Variants in ZSWIM8 observed in about 807,000 individuals in gnomAD.
ZSWIM8 encodes zinc finger SWIM domain-containing protein 8.
Under a neutral mutation model 173.7 loss-of-function variants are expected in ZSWIM8, and 27 were observed. That is an observed-to-expected ratio of 0.16 (90% CI 0.11 to 0.21). The LOEUF is 0.21. ZSWIM8 is among the 10% of genes least tolerant of loss of function. The probability of loss-of-function intolerance (pLI) is 1.00; values close to 1 mark genes in which losing one functional copy is unlikely to be tolerated. For missense variants in ZSWIM8, 1,627 were observed against 2,428.8 expected (o/e 0.67, Z 6.94); for synonymous variants, 958 against 962.0 (o/e 1.00, Z 0.08).
rs776922647 is a variant in ZSWIM8, at chr10:73,797,044, G to A, written c.3274+30G>A. On this transcript the variant is annotated intron_variant, in intron 16 of 25. Transcript: ENST00000604729. This position sits in a 1 kb window ranked among gnomAD's most constrained non-coding sequence, Gnocchi z 5.6. ...GGTGGGGGCACTGGGCAGGGGGGATGAATGGTGTGGACCTATGTTGAGGTC... is the reference window on the plus strand; with the variant it reads ...GGTGGGGGCACTGGGCAGGGGGGATAAATGGTGTGGACCTATGTTGAGGTC... The A allele has an allele frequency of 6.2e-6, 10 of 1,609,620 alleles. No homozygotes were observed. In the Admixed American group the frequency reaches 8.4e-5, roughly 13 times the overall value.
chr10:73,786,216 G>T, intron 1 of ZSWIM8, 130 bp downstream of exon 1: 2 of 1,089,384 alleles, frequency 1.8e-6, no homozygotes, highest in Non-Finnish European at 2.5e-6. Context: ...AGCTGTCCCC[G>T]GCCGGGAGCT....
Position 73,785,971 on chromosome 10 carries a change from C to T in ZSWIM8, c.93C>T (p.Ile31=). The T allele has an allele frequency of 1.3e-6, 2 of 1,587,940 alleles. No individual in the cohort carries two copies. The highest frequency in any genetic ancestry group is 4.6e-5 in the East Asian group (2 of 43,390). Reference sequence around the variant, plus strand: ...AGGAGGATTCACTCTGTTCCTTCATCTCCGAGGCCGAGAGCCTCTGCCAGA... The same window carrying T: ...AGGAGGATTCACTCTGTTCCTTCATTTCCGAGGCCGAGAGCCTCTGCCAGA... ...RFEEDSLCSF[I]SEAESLCQNW... The change falls in exon 1 of 26, where the codon ATC becomes ATT. Residue 31 remains isoleucine (I), a synonymous_variant. Transcript: ENST00000604729.
At position 73,800,572 on chromosome 10, in the gene ZSWIM8, G is replaced by T; in HGVS notation, c.5003-68G>T. On this transcript the variant is annotated intron_variant, in intron 23 of 25. Coordinates refer to ENST00000604729, the MANE Select transcript of ZSWIM8 (RefSeq NM_001367799.1). This position sits in a 1 kb window ranked among gnomAD's most constrained non-coding sequence, Gnocchi z 4.1. ...CTTCATTTGTTTACTGTGGGGTCAG[G>T]TGACAGGTTGGGGTAAAGGGTGAAG... 1 of 1,603,548 alleles carries T rather than the reference G, an allele frequency of 6.2e-7. No individual in the cohort carries two copies. Among genetic ancestry groups the T allele is most frequent in the Non-Finnish European group, 8.5e-7 (1 of 1,173,652 alleles).
At position 73,793,727 on chromosome 10, in the gene ZSWIM8, A is replaced by AC; in HGVS notation, c.2445+13dup. On this transcript the variant is annotated intron_variant, in intron 11 of 25. Coordinates refer to ENST00000604729, the MANE Select transcript of ZSWIM8 (RefSeq NM_001367799.1). Reference sequence around the variant, plus strand: ...GAGCCGCCCCCTGCCAAGGTGAGAGACCCCCTTCCTCTACCTTCCCCTCCC... The same window carrying AC: ...GAGCCGCCCCCTGCCAAGGTGAGAGACCCCCCTTCCTCTACCTTCCCCTCCC... 1.3e-6 allele frequency: 2 copies of AC among 1,500,744 alleles called. No homozygotes were observed. Among genetic ancestry groups the AC allele is most frequent in the Non-Finnish European group, 1.8e-6 (2 of 1,108,966 alleles). 93.0% of individuals were successfully genotyped at this position (1,500,744 alleles called of 1,614,324 possible).
chr10:73,795,289 G>A (rs544198429), intron 14 of ZSWIM8, among the ~76,000 whole-genome samples: 1 of 152,318 alleles, frequency 6.6e-6, no homozygotes, highest in South Asian at 2.1e-4. Flanking sequence ...TGAGAATGAG[G>A]AGGCCAGCTT....
intron 1 of ZSWIM8, among the ~76,000 whole-genome samples, chr10:73,787,355 G>A (rs901760716): frequency 2.0e-5 from 3 of 152,186 alleles, no homozygotes; most frequent in Non-Finnish European, 2.9e-5. Flanking sequence ...CAGTTTTACC[G>A]TGGGTCTTCT....
rs999704606 is a variant in ZSWIM8 at position 73,800,706 on chromosome 10, C to A, written c.5069C>A (p.Ser1690Tyr). 1 of 1,605,816 alleles carries A rather than the reference C, an allele frequency of 6.2e-7. No individual in the cohort carries two copies. Among genetic ancestry groups the A allele is most frequent in the Non-Finnish European group, 8.5e-7 (1 of 1,173,430 alleles). The change falls in exon 24 of 26, where the codon TCC (serine) becomes TAC (tyrosine). Residue 1690 changes from serine (S) to tyrosine (Y), a missense_variant. By Grantham distance (144) the Ser-to-Tyr change is moderately radical. This residue lies in a region of ZSWIM8 where 30 missense variants were observed against 20.9 expected (regional missense o/e 1.44). Transcript: ENST00000604729. This position sits in a 1 kb window ranked among gnomAD's most constrained non-coding sequence, Gnocchi z 4.1. ...GATCACCCCAACAACTTCTCCCGCT[C>A]CCCCCCCTACACTGATGATGTCAAA... is the stretch of plus-strand genomic sequence containing the variant. Reference protein sequence around the residue: ...HNDHPNNFSRSPPYTDDVKWL... With the variant: ...HNDHPNNFSRYPPYTDDVKWL...
Position 73,792,448 on chromosome 10 carries a change from T to C in ZSWIM8, c.1909T>C (p.Phe637Leu). Residue 637 changes from phenylalanine (F) to leucine (L), a missense_variant, in exon 10 of 26, where the codon TTC (phenylalanine) becomes CTC (leucine). By Grantham distance (22) the Phe-to-Leu change is conservative (BLOSUM62 0). This residue lies in a region of ZSWIM8 where 383 missense variants were observed against 394.8 expected (regional missense o/e 0.97). Coordinates refer to ENST00000604729, the MANE Select transcript of ZSWIM8 (RefSeq NM_001367799.1). This position sits in a 1 kb window ranked among gnomAD's most constrained non-coding sequence, Gnocchi z 4.3. ...GGCCCTGGGCGCAGAGGCCAGCACCTTCGGGGGATTCCCTGAGAGCCCTCC... is the reference window on the plus strand; with the variant it reads ...GGCCCTGGGCGCAGAGGCCAGCACCCTCGGGGGATTCCCTGAGAGCCCTCC... ...SLALGAEAST[F>L]GGFPESPPPC... 1 of 1,606,920 alleles carries C rather than the reference T, an allele frequency of 6.2e-7. No individual in the cohort carries two copies. Among genetic ancestry groups the C allele is most frequent in the South Asian group, 1.1e-5 (1 of 90,058 alleles).
At position 73,789,265 on chromosome 10, in the gene ZSWIM8, A is replaced by C; in HGVS notation, c.457+75A>C. On this transcript the variant is annotated intron_variant, in intron 3 of 25. Coordinates refer to ENST00000604729, the MANE Select transcript of ZSWIM8 (RefSeq NM_001367799.1). This position sits in a 1 kb window ranked among gnomAD's most constrained non-coding sequence, Gnocchi z 6.8. Reference sequence around the variant, plus strand: ...GGCTTATGAAGTAAGAACACACCGCAAGAAGCTGGAGCATGTTGTCTGAAT... The same window carrying C: ...GGCTTATGAAGTAAGAACACACCGCCAGAAGCTGGAGCATGTTGTCTGAAT... 2 of 1,605,938 alleles carry C rather than the reference A, an allele frequency of 1.2e-6. No individual in the cohort carries two copies. Among genetic ancestry groups the C allele is most frequent in the East Asian group, 2.2e-5 (1 of 44,754 alleles).
chr10:73,798,082 G>A lies in ZSWIM8; in HGVS notation c.3952+12G>A. 6.2e-7 allele frequency: 1 copy of A among 1,611,806 alleles called. No individual in the cohort carries two copies. Among genetic ancestry groups the A allele is most frequent in the Non-Finnish European group, 8.5e-7 (1 of 1,178,284 alleles). ...TTCCTGGATTACAGGTAAATCATTT[G>A]ACCTGACTTGGGTATGGGAGGGGGA... On this transcript the variant is annotated intron_variant, in intron 19 of 25. Coordinates refer to ENST00000604729, the MANE Select transcript of ZSWIM8 (RefSeq NM_001367799.1).
At chr10:73,795,285 TGAG>T (rs908952720) in intron 14 of ZSWIM8, among the ~76,000 whole-genome samples, 1 of 152,174 alleles carries the variant, frequency 6.6e-6, no homozygotes, top group Non-Finnish European at 1.5e-5. Context: ...TTCATGAGAA[TGAG>T]GAGGCCAGCT....
rs1045613102 is a variant in ZSWIM8 at position 73,801,574 on chromosome 10, C to T, written c.*55C>T. On this transcript the variant is annotated 3_prime_UTR_variant, in exon 26 of 26. Transcript: ENST00000604729. The surrounding 1 kb of genome is among the most constrained non-coding windows in gnomAD (Gnocchi z 4.9). ...ACCCAGGCCTGTGGCTATGGGGGCC[C>T]CTCACACAGGGGGAGTGAAACTTGG... 2 of 1,591,616 alleles carry T rather than the reference C, an allele frequency of 1.3e-6. No individual in the cohort carries two copies. The highest frequency in any genetic ancestry group is 1.7e-6 in the Non-Finnish European group (2 of 1,171,170).
chr10:73,800,622 C>T lies in ZSWIM8; in HGVS notation c.5003-18C>T. The T allele has an allele frequency of 6.4e-7, 1 of 1,571,324 alleles. No homozygotes were observed. Among genetic ancestry groups the T allele is most frequent in the Non-Finnish European group, 8.7e-7 (1 of 1,151,544 alleles). Reference sequence around the variant, plus strand: ...GAGGATACACCGTACCATGTGCCCACCCTTATCTATCTCCCAGGAATGCTG... The same window carrying T: ...GAGGATACACCGTACCATGTGCCCATCCTTATCTATCTCCCAGGAATGCTG... On this transcript the variant is annotated intron_variant, in intron 23 of 25. Coordinates refer to ENST00000604729, the MANE Select transcript of ZSWIM8 (RefSeq NM_001367799.1). This position sits in a 1 kb window ranked among gnomAD's most constrained non-coding sequence, Gnocchi z 4.1.
intron 20 of ZSWIM8, 141 bp from the exon 21 acceptor site, chr10:73,798,858 GATA>G: frequency 8.5e-7 from 1 of 1,172,762 alleles, no homozygotes; most frequent in Non-Finnish European, 1.2e-6. Flanking sequence ...TCACTGCTCT[GATA>G]ATGGACTCTA....
chr10:73,791,212 C>T lies in ZSWIM8; in HGVS notation c.1143+36C>T. ...AGCGTTGGGGAGCCCCGTGGTAGCT[C>T]ATTCTTTCCCTCCCCCTGCCTCATC... On this transcript the variant is annotated intron_variant, in intron 8 of 25. Coordinates refer to ENST00000604729, the MANE Select transcript of ZSWIM8 (RefSeq NM_001367799.1). This position sits in a 1 kb window ranked among gnomAD's most constrained non-coding sequence, Gnocchi z 6.0. 2 of 1,571,372 alleles carry T rather than the reference C, an allele frequency of 1.3e-6. No homozygotes were observed. The highest frequency in any genetic ancestry group is 1.7e-6 in the Non-Finnish European group (2 of 1,152,818).
rs1352833616 is a variant in ZSWIM8 at position 73,792,890 on chromosome 10, A to T, written c.2313+38A>T. The T allele has an allele frequency of 6.6e-7, 1 of 1,513,522 alleles. No individual in the cohort carries two copies. Among genetic ancestry groups the T allele is most frequent in the African/African-American group, 1.4e-5 (1 of 72,214 alleles). The allele number at this position is 1,513,522 out of a possible 1,614,324, so 93.8% of individuals were successfully genotyped here. On this transcript the variant is annotated intron_variant, in intron 10 of 25. Coordinates refer to ENST00000604729, the MANE Select transcript of ZSWIM8 (RefSeq NM_001367799.1). This position sits in a 1 kb window ranked among gnomAD's most constrained non-coding sequence, Gnocchi z 4.3. The stretch of plus-strand genomic sequence containing the variant: ...AAGGAGGGAGGGCTGGGTGCTCCTT[A>T]GCCACAACTGGGAGGGGCTATCTAG...
At chr10:73,796,440 AAG>A (rs560957045) in intron 15 of ZSWIM8, 15 of 420,886 alleles carry the variant, frequency 3.6e-5, no homozygotes, top group South Asian at 2.7e-4. Context: ...CATAAAGAAT[AAG>A]AGAAGACCAA....
chr10:73,796,643 G>A, intron 15 of ZSWIM8, 131 bp from the exon 16 acceptor site: 1 of 1,298,852 alleles, frequency 7.7e-7, no homozygotes, highest in Non-Finnish European at 1.0e-6. Flanking sequence ...TCATCCTGTG[G>A]TTGTAAGTGG....
rs371745098 is a variant in ZSWIM8 at position 73,792,808 on chromosome 10, C to T, written c.2269C>T (p.Leu757=). 80 of 1,597,220 alleles carry T rather than the reference C, an allele frequency of 5.0e-5. No homozygotes were observed. Among genetic ancestry groups the T allele is most frequent in the Non-Finnish European group, 6.3e-5 (74 of 1,175,702 alleles). ...AEGGAGEEHD[L]FAGLKPLEQE... Reference sequence around the variant, plus strand: ...GGGCGGGGCTGGGGAGGAGCACGACCTGTTTGCTGGGCTGAAGCCACTGGA... The same window carrying T: ...GGGCGGGGCTGGGGAGGAGCACGACTTGTTTGCTGGGCTGAAGCCACTGGA... Residue 757 remains leucine (L), a synonymous_variant, in exon 10 of 26, where the codon CTG becomes TTG. Transcript: ENST00000604729. This position sits in a 1 kb window ranked among gnomAD's most constrained non-coding sequence, Gnocchi z 4.3.
Sources: allele counts gnomAD v4.1 joint callset (sites outside exome capture counted in the v4.1 genomes callset), GRCh38; gene constraint gnomAD v4.1.1; regional missense constraint gnomAD v4.1.1; non-coding constraint Gnocchi (gnomAD v3.1); transcripts MANE v1.5; gene names NCBI Gene and HGNC (gene_info 2026-07-23, HGNC 2026-07-21).